SLC35F3: variants seen among roughly 807,000 people sequenced by gnomAD.
The protein encoded by SLC35F3 is solute carrier family 35 member F3.
In SLC35F3, 25 loss-of-function variants were observed where a neutral mutation model predicts 49.9. The ratio of observed to expected loss-of-function variants is 0.50; its 90% CI spans 0.37 to 0.70. SLC35F3 has a LOEUF of 0.70. Ranked by LOEUF, SLC35F3 falls within the 30% of genes least tolerant of loss-of-function variation. The pLI, the probability that SLC35F3 is intolerant of heterozygous loss-of-function variation, is 0.00. For synonymous variants in SLC35F3, 275 were observed against 265.4 expected (o/e 1.04, Z -0.35); for missense variants, 525 against 639.8 (o/e 0.82, Z 1.94).
At position 234,297,195 on chromosome 1, in the gene SLC35F3, C is replaced by T. The variant is rs186125476; in HGVS notation, c.609-11906C>T. On this transcript the variant is annotated intron_variant, in intron 3 of 7. Coordinates refer to ENST00000366618, the MANE Select transcript of SLC35F3 (RefSeq NM_173508.4). The stretch of plus-strand genomic sequence containing the variant: ...TGGAGAAAAGGGAACCCTTGTACAC[C>T]GTTGTAGAAATGAAAATGGGTACAG... Among the ~76,000 whole-genome samples the T allele has an allele frequency of 9.9e-5, 15 of 152,154 alleles. No homozygotes were observed. In the East Asian group the frequency reaches 1.7e-3, roughly 18 times the overall value.
chr1:234,149,647 C>T (rs1406384220), intron 2 of SLC35F3, among the ~76,000 whole-genome samples: 3 of 152,148 alleles, frequency 2.0e-5, no homozygotes, highest in Non-Finnish European at 2.9e-5. Flanking sequence ...CTCTTTTCTT[C>T]CTGCCCTTAA....
chr1:233,927,343 A>T (rs72751800), intron 2 of SLC35F3, among the ~76,000 whole-genome samples: 17,174 of 152,186 alleles, frequency 0.11, 1,058 homozygotes, highest in Non-Finnish European at 0.14. Context: ...TCATTGAATA[A>T]TATTTATTTC....
In SLC35F3 at chr1:234,288,849, A is replaced by G. The variant is rs527247329; in HGVS notation, c.609-20252A>G. ...AAAAATTATCATGCCTTATTCACTG[A>G]TCCACACTGCCTCCTGATCAAAGCA... On this transcript the variant is annotated intron_variant, in intron 3 of 7. Transcript: ENST00000366618. Among the ~76,000 whole-genome samples the G allele has an allele frequency of 3.9e-5, 6 of 152,348 alleles. No individual in the cohort carries two copies. The East Asian group carries it at 1.2e-3, about 29-fold the overall frequency.
In SLC35F3 at chr1:234,046,184, A is replaced by T. The variant is rs1027568703; in HGVS notation, c.283+140426A>T. Among the ~76,000 whole-genome samples the T allele has an allele frequency of 5.9e-5, 9 of 152,308 alleles. No homozygotes were observed. Among genetic ancestry groups the T allele is most frequent in the African/African-American group, 2.2e-4 (9 of 41,578 alleles). ...AAATTGTGAGGTCAGAGTTATGAGC[A>T]TATTTGGCTTTTAAGAGCATGTTAC... is the stretch of plus-strand genomic sequence containing the variant. On this transcript the variant is annotated intron_variant, in intron 2 of 7. Coordinates refer to ENST00000366618, the MANE Select transcript of SLC35F3 (RefSeq NM_173508.4). The surrounding 1 kb of genome is among the most constrained non-coding windows in gnomAD (Gnocchi z 4.4).
chr1:234,291,033 T>C (rs1177098482), intron 3 of SLC35F3, among the ~76,000 whole-genome samples: 1 of 152,160 alleles, frequency 6.6e-6, no homozygotes, highest in Non-Finnish European at 1.5e-5. Context: ...GGCTCTTCAC[T>C]GGAGACGTGA....
chr1:234,108,992 TTGAAATGCCTGCCACCAATCTCAGGGAG>T (rs1665365171), intron 2 of SLC35F3, among the ~76,000 whole-genome samples: 2 of 151,840 alleles, frequency 1.3e-5, no homozygotes, highest in Non-Finnish European at 1.5e-5. Flanking sequence ...CTGGAAGTGT[TTGAAATGCCTGCCACCAATCTCAGGGAG>T]TGGAGTATTC....
rs1242869355 is a variant in SLC35F3, at chr1:234,004,552, G to A, written c.283+98794G>A. On this transcript the variant is annotated intron_variant, in intron 2 of 7. Transcript: ENST00000366618. ...AGTGTGGAACAAAATATATGCTGAT[G>A]GTCTATTTTTAATAAGGAAAATAGA... is the stretch of plus-strand genomic sequence containing the variant. Among the ~76,000 whole-genome samples, 26 of 144,900 alleles carry A rather than the reference G, an allele frequency of 1.8e-4. No homozygotes were observed. The Admixed American group carries it at 1.8e-3, about 10-fold the overall frequency.
At chr1:234,054,670 T>G (rs541964454) in intron 2 of SLC35F3, among the ~76,000 whole-genome samples, 1 of 152,320 alleles carries the variant, frequency 6.6e-6, no homozygotes, top group African/African-American at 2.4e-5. Context: ...CTGTCCGGCT[T>G]TGTTCTGTTG....
In SLC35F3 at chr1:233,950,247, G is replaced by A. The variant is rs185641586; in HGVS notation, c.283+44489G>A. Among the ~76,000 whole-genome samples the A allele has an allele frequency of 1.8e-4, 27 of 151,760 alleles. No homozygotes were observed. In the East Asian group the frequency reaches 4.1e-3, roughly 23 times the overall value. On this transcript the variant is annotated intron_variant, in intron 2 of 7. Coordinates refer to ENST00000366618, the MANE Select transcript of SLC35F3 (RefSeq NM_173508.4). Reference sequence around the variant, plus strand: ...TAAAAATACAAAAAATTAGCCTGGCGTGGTGGCAGGTGCCTGTAGTCCCAG... The same window carrying A: ...TAAAAATACAAAAAATTAGCCTGGCATGGTGGCAGGTGCCTGTAGTCCCAG...
At chr1:234,310,494 C>T (rs1013128230) in intron 4 of SLC35F3, among the ~76,000 whole-genome samples, 3 of 152,174 alleles carry the variant, frequency 2.0e-5, no homozygotes, top group African/African-American at 7.2e-5. Context: ...AATAAAAACT[C>T]ACTCTCTGTG....
At chr1:234,241,547 C>T (rs1023520249) in intron 3 of SLC35F3, among the ~76,000 whole-genome samples, 2 of 152,038 alleles carry the variant, frequency 1.3e-5, no homozygotes, top group African/African-American at 2.4e-5. Flanking sequence ...ACCAGCCTGA[C>T]CAACATGGCA....
intron 2 of SLC35F3, among the ~76,000 whole-genome samples, chr1:234,086,316 G>C (rs1180607686): frequency 6.6e-6 from 1 of 152,142 alleles, no homozygotes; most frequent in African/African-American, 2.4e-5. Context: ...ATGAGTCAGG[G>C]GCTGAATGTT....
In SLC35F3 at chr1:234,324,129, A is replaced by G. The variant is rs1436906552; in HGVS notation, c.*886A>G. 2 of 152,248 alleles carry G rather than the reference A, an allele frequency of 1.3e-5. No individual in the cohort carries two copies. Among genetic ancestry groups the G allele is most frequent in the African/African-American group, 4.8e-5 (2 of 41,478 alleles). The allele number at this position is 152,248 out of a possible 1,614,324, so 9.4% of individuals were successfully genotyped here. On this transcript the variant is annotated 3_prime_UTR_variant, in exon 8 of 8. Coordinates refer to ENST00000366618, the MANE Select transcript of SLC35F3 (RefSeq NM_173508.4). ...AATACCCATATAAGGTACATTGTGC[A>G]GGAGGGGAATTGCTGGCTGCTTTTA...
chr1:234,147,375 T>C (rs1332025562), intron 2 of SLC35F3, among the ~76,000 whole-genome samples: 1 of 152,184 alleles, frequency 6.6e-6, no homozygotes, highest in African/African-American at 2.4e-5. Context: ...TTTCACCTGT[T>C]ATTGTATCAT....
chr1:234,114,140 G>A (rs1665448991), intron 2 of SLC35F3, among the ~76,000 whole-genome samples: 1 of 152,206 alleles, frequency 6.6e-6, no homozygotes. Context: ...ATAGTCTTAT[G>A]AGCCAGTATG....
chr1:233,926,290 C>T (rs1662159442), intron 2 of SLC35F3, among the ~76,000 whole-genome samples: 1 of 152,164 alleles, frequency 6.6e-6, no homozygotes, highest in Non-Finnish European at 1.5e-5. Flanking sequence ...TAAATTTGGT[C>T]TTTTCACATA....
chr1:234,255,520 GA>G (rs1271301735), intron 3 of SLC35F3, among the ~76,000 whole-genome samples: 2 of 152,174 alleles, frequency 1.3e-5, no homozygotes, highest in Non-Finnish European at 2.9e-5. Context: ...CAAATGAGCT[GA>G]AAACTTATAT....
chr1:234,114,289 G>A (rs543083915), intron 2 of SLC35F3, among the ~76,000 whole-genome samples: 1 of 152,336 alleles, frequency 6.6e-6, no homozygotes, highest in Non-Finnish European at 1.5e-5. Flanking sequence ...TTTGAAAAAT[G>A]TGCACTGAAA....
chr1:234,022,677 TC>T (rs1429190515), intron 2 of SLC35F3, among the ~76,000 whole-genome samples: 1 of 152,098 alleles, frequency 6.6e-6, no homozygotes, highest in African/African-American at 2.4e-5. Context: ...ACAGGGCCCC[TC>T]CCTAGGAGTC....
Sources: gnomAD v4.1 joint callset for allele counts (sites outside exome capture counted in the v4.1 genomes callset) on GRCh38, gnomAD v4.1.1 for gene constraint, Gnocchi (gnomAD v3.1) non-coding constraint, MANE v1.5 for transcripts, NCBI Gene and HGNC (gene_info 2026-07-23, HGNC 2026-07-21) for gene names.